Variants in TP53BP1 observed in about 807,000 individuals in gnomAD.
TP53BP1 encodes the protein tumor protein p53 binding protein 1.
Under a neutral mutation model 200.8 loss-of-function variants are expected in TP53BP1, and 61 were observed. That is an observed-to-expected ratio of 0.30 (90% confidence interval 0.25 to 0.38). TP53BP1 has a LOEUF of 0.38. Ranked by LOEUF, TP53BP1 falls within the 10% of genes least tolerant of loss-of-function variation. The pLI is 1.00. For synonymous variants in TP53BP1, 822 were observed against 844.3 expected (o/e 0.97, Z 0.46); for missense variants, 2,144 against 2,371.9 (o/e 0.90, Z 2.00).
In TP53BP1 at chr15:43,477,649, G is replaced by C. The variant is rs761247287; in HGVS notation, c.899C>G (p.Pro300Arg). ...MESGLQIQKS[P>R]EPEVLSTQED... is the part of the protein sequence containing the mutation. The stretch of plus-strand genomic sequence containing the variant: ...CTGAGTTGACAAAACCTCAGGCTCT[G>C]GTGACTTCTGAATCTGCAGTCCACT... Residue 300 changes from proline (P) to arginine (R), a missense_variant, in exon 8 of 28, where the codon CCA (proline) becomes CGA (arginine). Pro to Arg is a moderately radical substitution (Grantham distance 103). Around this residue, in one of 4 missense-constraint regions of TP53BP1, gnomAD observed 1,700 missense variants for 1,710.3 expected, o/e 0.99. Coordinates refer to ENST00000382044, the MANE Select transcript of TP53BP1 (RefSeq NM_001141980.3). The C allele has an allele frequency of 1.2e-6, 2 of 1,613,658 alleles. No homozygotes were observed. The highest frequency in any genetic ancestry group is 2.2e-5 in the South Asian group (2 of 91,026).
chr15:43,473,896 C>T (rs781418404), intron 10 of TP53BP1, among the ~76,000 whole-genome samples: 2 of 152,208 alleles, frequency 1.3e-5, no homozygotes, highest in South Asian at 4.1e-4. Flanking sequence ...TTTGGGTGGT[C>T]GATGGGACTA....
chr15:43,470,959 T>C (rs2046710032), intron 10 of TP53BP1, among the ~76,000 whole-genome samples: 1 of 152,230 alleles, frequency 6.6e-6, no homozygotes, highest in Non-Finnish European at 1.5e-5. Flanking sequence ...ACACCTAATT[T>C]GGGATCCAGT....
At position 43,491,770 on chromosome 15, in the gene TP53BP1, G is replaced by T. The variant is rs1267157368; in HGVS notation, c.287-17C>A. ...CCACAGGGTCTGAAAAAAATAACTGGATATTAGCATGAAAGACATTTACCA... is the reference window on the plus strand; with the variant it reads ...CCACAGGGTCTGAAAAAAATAACTGTATATTAGCATGAAAGACATTTACCA... On this transcript the variant is annotated splice_polypyrimidine_tract_variant and intron_variant, in intron 3 of 27. Transcript: ENST00000382044. The T allele has an allele frequency of 6.3e-7, 1 of 1,594,732 alleles. No homozygotes were observed. Among genetic ancestry groups the T allele is most frequent in the Admixed American group, 1.7e-5 (1 of 59,998 alleles).
intron 12 of TP53BP1, among the ~76,000 whole-genome samples, chr15:43,453,661 C>A (rs1247625378): frequency 1.1e-4 from 16 of 151,476 alleles, no homozygotes; most frequent in Admixed American, 1.1e-3. Context: ...TCTCGTGCCT[C>A]AGCCTCCAGA....
At chr15:43,443,288 A>G (rs1248261073) in intron 14 of TP53BP1, among the ~76,000 whole-genome samples, 1 of 152,180 alleles carries the variant, frequency 6.6e-6, no homozygotes, top group Non-Finnish European at 1.5e-5. Flanking sequence ...ACTTAATAAA[A>G]TAAGTAGAAA....
intron 4 of TP53BP1, among the ~76,000 whole-genome samples, chr15:43,491,063 T>C (rs1367012613): frequency 1.3e-5 from 2 of 151,914 alleles, no homozygotes; most frequent in Non-Finnish European, 2.9e-5. Flanking sequence ...ATAGTTCTGA[T>C]AATACTCCTA....
Position 43,479,418 on chromosome 15 carries a change from T to C in TP53BP1, c.767A>G (p.Glu256Gly). The C allele has an allele frequency of 1.9e-6, 3 of 1,607,230 alleles. No individual in the cohort carries two copies. The highest frequency in any genetic ancestry group is 1.7e-6 in the Non-Finnish European group (2 of 1,177,296). ...QPSKDVHVVK[E>G]QNPPPARSED... is the part of the protein sequence containing the mutation. Reference sequence around the variant, plus strand: ...TTACCTTGCAGGTGGTGGATTTTGCTCTTTTACAACATGTACATCCTTACT... The same window carrying C: ...TTACCTTGCAGGTGGTGGATTTTGCCCTTTTACAACATGTACATCCTTACT... Residue 256 changes from glutamate to glycine, a missense_variant, in exon 7 of 28, where the codon GAG becomes GGG. By Grantham distance (98) the Glu-to-Gly change is moderately conservative (BLOSUM62 -2). Coordinates refer to ENST00000382044, the MANE Select transcript of TP53BP1 (RefSeq NM_001141980.3).
At chr15:43,495,816 CAAA>C (rs1180419642), upstream of TP53BP1, among the ~76,000 whole-genome samples, 3 of 55,872 alleles carry the variant, frequency 5.4e-5, no homozygotes. Flanking sequence ...GACCCCGTCT[CAAA>C]AAAAAAAAAA....
At chr15:43,447,107 G>C in intron 13 of TP53BP1, 1 of 465,882 alleles carries the variant, frequency 2.1e-6, no homozygotes, top group South Asian at 2.1e-5. Flanking sequence ...AGATTCTACT[G>C]CCTTGCAAGT....
chr15:43,407,398 A>G lies in TP53BP1; in HGVS notation c.5919T>C (p.Asp1973=), dbSNP rs763212582. ...GFKQHPKYKH[D]YVSH ...CCAAGTATCTTTAGTGAGAAACATA[A>G]TCGTGTTTATATTTTGGATGCTGCT... is the stretch of plus-strand genomic sequence containing the variant. Residue 1973 remains aspartate, a synonymous_variant, in exon 28 of 28, where the codon GAT becomes GAC. Transcript: ENST00000382044. 6.2e-7 allele frequency: 1 copy of G among 1,614,142 alleles called. No homozygotes were observed. The highest frequency in any genetic ancestry group is 8.5e-7 in the Non-Finnish European group (1 of 1,180,004).
chr15:43,509,198 G>GGT (rs1339110015), intron 1 of TP53BP1, among the ~76,000 whole-genome samples: 1 of 93,034 alleles, frequency 1.1e-5, no homozygotes, highest in Non-Finnish European at 2.1e-5. Context: ...CGGGGGGGGG[G>GGT]GGGGCAGAGG....
In TP53BP1 at chr15:43,492,479, A is replaced by G. The variant is rs774797393; in HGVS notation, c.8-11T>C. On this transcript the variant is annotated splice_polypyrimidine_tract_variant and intron_variant, in intron 1 of 27. Coordinates refer to ENST00000382044, the MANE Select transcript of TP53BP1 (RefSeq NM_001141980.3). ...GGTCCATCTGCTCCCCTGGAATGGA[A>G]TAACAAAAGATCAGTTCCGTGTAAC... 4.3e-6 allele frequency: 7 copies of G among 1,610,086 alleles called. No homozygotes were observed. In the South Asian group the frequency reaches 4.4e-5, roughly 10 times the overall value.
rs757389367 is a variant in TP53BP1, at chr15:43,469,829, G to A, written c.1389+29C>T. 3.2e-6 allele frequency: 5 copies of A among 1,564,072 alleles called. No individual in the cohort carries two copies. The East Asian group carries it at 6.7e-5, about 21-fold the overall frequency. ...AATGCTGCTTTAAAAAAATATGTTA[G>A]GAGAAACAACTCTTTTTACAATACT... On this transcript the variant is annotated intron_variant, in intron 11 of 27. Transcript: ENST00000382044.
chr15:43,408,718 G>C (rs918897089), intron 26 of TP53BP1, 179 bp downstream of exon 26: 1 of 619,546 alleles, frequency 1.6e-6, no homozygotes, highest in Non-Finnish European at 2.8e-6. Flanking sequence ...AAGGTTCCTA[G>C]CCAATGTAAC....
At chr15:43,436,460 T>C (rs2045800846) in intron 16 of TP53BP1, among the ~76,000 whole-genome samples, 1 of 148,472 alleles carries the variant, frequency 6.7e-6, no homozygotes, top group Non-Finnish European at 1.5e-5. Flanking sequence ...CCATATAAGA[T>C]ACTATTTATT....
In TP53BP1 at chr15:43,403,509, C is replaced by T. The variant is rs1191335816; in HGVS notation, c.*3874G>A. 3 of 572,602 alleles carry T rather than the reference C, an allele frequency of 5.2e-6. No individual in the cohort carries two copies. Among genetic ancestry groups the T allele is most frequent in the East Asian group, 2.9e-5 (1 of 34,204 alleles). 35.5% of individuals were successfully genotyped at this position (572,602 alleles called of 1,614,324 possible). On this transcript the variant is annotated 3_prime_UTR_variant, in exon 28 of 28. Transcript: ENST00000382044. The stretch of plus-strand genomic sequence containing the variant: ...CAGGAAAGGATGCATTTGTTTTACG[C>T]ATTTTGTGCGTCTGAGGGGCTGGCA...
In TP53BP1 at chr15:43,490,069, T is replaced by G. The variant is rs192540347; in HGVS notation, c.371+1600A>C. Among the ~76,000 whole-genome samples the G allele has an allele frequency of 7.3e-4, 111 of 151,962 alleles. No homozygotes were observed. In the East Asian group the frequency reaches 0.019, roughly 27 times the overall value. ...CTGGGGCTACAGGCACGGACCACCA[T>G]GCCCTGCTATTTTTTTTTTTATTAT... On this transcript the variant is annotated intron_variant, in intron 4 of 27. Coordinates refer to ENST00000382044, the MANE Select transcript of TP53BP1 (RefSeq NM_001141980.3).
chr15:43,481,141 C>T (rs1431043420), intron 4 of TP53BP1, 119 bp from the exon 5 acceptor site: 4 of 1,128,128 alleles, frequency 3.5e-6, no homozygotes, highest in Non-Finnish European at 5.2e-6. Flanking sequence ...AAGTAAAATA[C>T]CTCACCTTTA....
chr15:43,491,598 G>A, intron 4 of TP53BP1, 71 bp downstream of exon 4: 1 of 1,119,052 alleles, frequency 8.9e-7, no homozygotes, highest in Non-Finnish European at 1.4e-6. Flanking sequence ...TCCTTGGGAT[G>A]AGGCAACAGG....
Sources: gnomAD v4.1 joint callset for allele counts (sites outside exome capture counted in the v4.1 genomes callset) on GRCh38, gnomAD v4.1.1 for gene constraint, gnomAD v4.1.1 regional missense constraint, MANE v1.5 for transcripts, NCBI Gene and HGNC (gene_info 2026-07-23, HGNC 2026-07-21) for gene names.